The following CDH17 variants were observed in gnomAD, a reference collection of about 807,000 sequenced individuals.
CDH17 encodes the protein cadherin 17.
Under a neutral mutation model 86.3 loss-of-function variants are expected in CDH17, and 67 were observed. That is an observed-to-expected ratio of 0.78 (90% confidence interval 0.64 to 0.95). CDH17 has a LOEUF of 0.95. CDH17 is among the 40% of genes least tolerant of loss of function. CDH17 has a pLI of 0.00. For missense variants in CDH17, 993 were observed against 1,017.6 expected, an observed-to-expected ratio of 0.98 and a Z score of 0.33; for synonymous variants, 367 against 366.4, an observed-to-expected ratio of 1.00 and a Z score of -0.02.
At position 94,170,424 on chromosome 8, in the gene CDH17, ATACGGT is replaced by A. The variant is rs1471963670; in HGVS notation, c.1033_1038del (p.Thr345_Val346del). On this transcript the variant is annotated inframe_deletion, in exon 9 of 18. Coordinates refer to ENST00000027335, the MANE Select transcript of CDH17 (RefSeq NM_004063.4). ...AGTCGTTCATTCTCCTGGACCTCAA[ATACGGT>A]TACTGGTGACGGACATGTAGGTGGA... 1.9e-6 allele frequency: 3 copies of A among 1,613,712 alleles called. No homozygotes were observed.
intron 5 of CDH17, among the ~76,000 whole-genome samples, chr8:94,174,554 G>T (rs770581006): frequency 3.4e-4 from 52 of 152,264 alleles, no homozygotes; most frequent in Non-Finnish European, 4.9e-4. Context: ...TTAATGAATT[G>T]TAGTGTAAAA....
intron 15 of CDH17, among the ~76,000 whole-genome samples, chr8:94,134,064 T>C (rs562022570): frequency 2.0e-4 from 30 of 152,324 alleles, no homozygotes; most frequent in African/African-American, 7.2e-4. Context: ...TGCCAGTATT[T>C]TACTGAGGAT....
At chr8:94,141,693 C>T (rs1812641456) in intron 15 of CDH17, among the ~76,000 whole-genome samples, 1 of 151,996 alleles carries the variant, frequency 6.6e-6, no homozygotes, top group Non-Finnish European at 1.5e-5. Flanking sequence ...AAGAACTATA[C>T]ACTGAAAACT....
At chr8:94,131,516 T>C (rs2514788) in intron 15 of CDH17, among the ~76,000 whole-genome samples, 73,259 of 152,006 alleles carry the variant, frequency 0.48, 18,493 homozygotes, top group East Asian at 0.55. Context: ...GGAAAATAAT[T>C]GCAGTTTTGG....
At chr8:94,191,614 G>A (rs551202243) in intron 2 of CDH17, among the ~76,000 whole-genome samples, 8 of 152,002 alleles carry the variant, frequency 5.3e-5, no homozygotes, top group African/African-American at 1.2e-4. Context: ...CACCATGCCC[G>A]ACTAATTTTT....
chr8:94,213,146 T>C (rs934551288), upstream of CDH17, among the ~76,000 whole-genome samples: 1 of 152,182 alleles, frequency 6.6e-6, no homozygotes, highest in African/African-American at 2.4e-5. Flanking sequence ...CAGCTAATTT[T>C]AAAATTTTTT....
chr8:94,180,943 C>CAAA (rs59930370), intron 3 of CDH17, among the ~76,000 whole-genome samples: 2 of 69,780 alleles, frequency 2.9e-5, no homozygotes, highest in African/African-American at 4.5e-5. Flanking sequence ...ACAAACAAAC[C>CAAA]AAAAAAAAAA....
intron 14 of CDH17, 36 bp downstream of exon 14, chr8:94,148,708 T>G: frequency 6.8e-7 from 1 of 1,473,646 alleles, no homozygotes; most frequent in Non-Finnish European, 8.9e-7. Context: ...ATAATCTGTG[T>G]TCCTTTTTTT....
intron 6 of CDH17, 42 bp from the exon 7 acceptor site, chr8:94,174,038 A>T (rs1813321342): frequency 6.3e-7 from 1 of 1,599,506 alleles, no homozygotes; most frequent in African/African-American, 1.3e-5. Flanking sequence ...GTGTCTCTGG[A>T]AGAGACAGAC....
intron 15 of CDH17, among the ~76,000 whole-genome samples, chr8:94,133,993 C>T (rs988256437): frequency 2.0e-5 from 3 of 152,142 alleles, no homozygotes; most frequent in Non-Finnish European, 4.4e-5. Flanking sequence ...CCTTGCATCC[C>T]AGGGATGAAG....
intron 15 of CDH17, among the ~76,000 whole-genome samples, chr8:94,134,513 A>AT (rs1179164552): frequency 1.3e-5 from 2 of 151,988 alleles, no homozygotes; most frequent in Non-Finnish European, 2.9e-5. Flanking sequence ...TCCCTTTATC[A>AT]TTTTTTTATT....
At chr8:94,154,270 C>T (rs555544270) in intron 12 of CDH17, among the ~76,000 whole-genome samples, 1 of 152,296 alleles carries the variant, frequency 6.6e-6, no homozygotes, top group South Asian at 2.1e-4. Flanking sequence ...AGAGCTTGCA[C>T]TACGCTAATA....
chr8:94,174,281 A>AT, intron 5 of CDH17, 21 bp from the exon 6 acceptor site: 7 of 1,511,302 alleles, frequency 4.6e-6, no homozygotes, highest in Non-Finnish European at 6.2e-6. Flanking sequence ...AGACGTACCC[A>AT]GAAAAAAAAA....
chr8:94,181,068 C>T (rs1813476843), intron 3 of CDH17, among the ~76,000 whole-genome samples: 1 of 151,302 alleles, frequency 6.6e-6, no homozygotes, highest in Admixed American at 6.6e-5. Context: ...ACAAAACAGA[C>T]TTTAAAACAA....
At position 94,146,058 on chromosome 8, in the gene CDH17, G is replaced by C. The variant is rs761863146; in HGVS notation, c.2037C>G (p.Pro679=). The change falls in exon 15 of 18, where the codon CCC becomes CCG. Residue 679 remains proline (P), a synonymous_variant. Coordinates refer to ENST00000027335, the MANE Select transcript of CDH17 (RefSeq NM_004063.4). ...KDYTGLFFCH[P]LSAPGSLIFE... ...AAATGAGACTTCCAGGTGCACTGAG[G>C]GGATGGCAGAAGAACAAGCCCGTGT... 1 of 1,613,898 alleles carries C rather than the reference G, an allele frequency of 6.2e-7. No homozygotes were observed. The highest frequency in any genetic ancestry group is 1.1e-5 in the South Asian group (1 of 91,048).
At chr8:94,140,427 T>TA (rs923028727) in intron 15 of CDH17, among the ~76,000 whole-genome samples, 257 of 149,564 alleles carry the variant, frequency 1.7e-3, no homozygotes, top group African/African-American at 3.4e-3. Flanking sequence ...CCCTGTCTAT[T>TA]AAAAAAAAAA....
chr8:94,147,084 C>G (rs1042593715), intron 14 of CDH17, among the ~76,000 whole-genome samples: 3 of 152,006 alleles, frequency 2.0e-5, no homozygotes, highest in African/African-American at 7.3e-5. Context: ...GGTTTTGGAC[C>G]CTGGTTTTGA....
At chr8:94,156,984 T>A (rs1812960925) in intron 12 of CDH17, among the ~76,000 whole-genome samples, 1 of 152,146 alleles carries the variant, frequency 6.6e-6, no homozygotes, top group African/African-American at 2.4e-5. Context: ...AGAAATTATT[T>A]CCTGAGAGGA....
chr8:94,174,179 A>T lies in CDH17; in HGVS notation c.506T>A (p.Ile169Asn). The T allele has an allele frequency of 1.2e-6, 2 of 1,613,818 alleles. No individual in the cohort carries two copies. Among genetic ancestry groups the T allele is most frequent in the Non-Finnish European group, 1.7e-6 (2 of 1,179,822 alleles). The change falls in exon 6 of 18, where the codon ATC becomes AAC. Residue 169 changes from isoleucine to asparagine, a missense_variant. Ile to Asn is a moderately radical substitution (Grantham distance 149). Coordinates refer to ENST00000027335, the MANE Select transcript of CDH17 (RefSeq NM_004063.4). ...PNGQLYYQIV[I>N]QLPMINNVMY... ...GACATTGTTGATCATGGGAAGCTGG[A>T]TGACAATCTGGTAATAAAGCTGGCC...
Sources: allele counts gnomAD v4.1 joint callset (sites outside exome capture counted in the v4.1 genomes callset), GRCh38; gene constraint gnomAD v4.1.1; transcripts MANE v1.5; gene names NCBI Gene and HGNC (gene_info 2026-07-23, HGNC 2026-07-21).